CSMD3: variants seen among roughly 807,000 people sequenced by gnomAD.
CSMD3 encodes the protein CUB and Sushi multiple domains 3.
Under a neutral mutation model 435.2 loss-of-function variants are expected in CSMD3, and 177 were observed. The ratio of observed to expected loss-of-function variants is 0.41; its 90% CI spans 0.36 to 0.46. CSMD3 has a LOEUF of 0.46. Among genes scored for constraint, CSMD3 ranks in the 20% least tolerant of loss-of-function variants. The probability of loss-of-function intolerance (pLI) is 0.34; values close to 1 mark genes in which losing one functional copy is unlikely to be tolerated. For synonymous variants in CSMD3, 1,656 were observed against 1,520.5 expected (o/e 1.09, Z -2.07); for missense variants, 4,265 against 4,504.6 (o/e 0.95, Z 1.52).
At chr8:112,607,115 G>A (rs13274521) in intron 22 of CSMD3, among the ~76,000 whole-genome samples, 87,166 of 150,884 alleles carry the variant, frequency 0.58, 25,701 homozygotes, top group African/African-American at 0.69. Flanking sequence ...GAAAAAATAA[G>A]CCAAATTTGT....
chr8:112,781,080 T>TAA (rs35751667), intron 13 of CSMD3, among the ~76,000 whole-genome samples: 128,115 of 151,674 alleles, frequency 0.84, 54,366 homozygotes, highest in East Asian at 0.92. Flanking sequence ...GAGGATAGAG[T>TAA]AGAGGATTTG....
At chr8:113,415,479 T>C (rs1261782307) in intron 1 of CSMD3, among the ~76,000 whole-genome samples, 1 of 152,162 alleles carries the variant, frequency 6.6e-6, no homozygotes, top group Non-Finnish European at 1.5e-5. Context: ...CCCTAAAAGG[T>C]AAAATCTTCC....
intron 59 of CSMD3, among the ~76,000 whole-genome samples, chr8:112,271,878 A>G (rs1817558975): frequency 6.6e-6 from 1 of 152,178 alleles, no homozygotes; most frequent in Non-Finnish European, 1.5e-5. Context: ...TGCTAATTTA[A>G]TCCCCAATTC....
At chr8:113,318,412 A>C (rs897940981) in intron 1 of CSMD3, among the ~76,000 whole-genome samples, 1 of 152,174 alleles carries the variant, frequency 6.6e-6, no homozygotes, top group African/African-American at 2.4e-5. Flanking sequence ...ATCATCTCAC[A>C]TAGTTACTTT....
In CSMD3 at chr8:112,721,212, T is replaced by C. The variant is rs147353111; in HGVS notation, c.1973-31162A>G. Among the ~76,000 whole-genome samples, 590 of 152,256 alleles carry C rather than the reference T, an allele frequency of 3.9e-3. 9 individuals carry two copies. The highest frequency in any genetic ancestry group is 0.013 in the African/African-American group (560 of 41,554). On this transcript the variant is annotated intron_variant, in intron 13 of 70. Coordinates refer to ENST00000297405, the MANE Select transcript of CSMD3 (RefSeq NM_198123.2). Reference sequence around the variant, plus strand: ...GCTGACAGCTTTGATATGTGAACAATTGGAAAAATCACCATGAAAAACTGA... The same window carrying C: ...GCTGACAGCTTTGATATGTGAACAACTGGAAAAATCACCATGAAAAACTGA...
intron 41 of CSMD3, among the ~76,000 whole-genome samples, chr8:112,342,558 C>T (rs1314079490): frequency 6.6e-6 from 1 of 151,974 alleles, no homozygotes; most frequent in Non-Finnish European, 1.5e-5. Flanking sequence ...TTAATTCTCA[C>T]CATTTCATGA....
chr8:112,340,895 C>G (rs990867065), intron 42 of CSMD3, among the ~76,000 whole-genome samples: 3 of 152,034 alleles, frequency 2.0e-5, no homozygotes, highest in South Asian at 2.1e-4. Context: ...TAGGAAGAAT[C>G]AACATTTGAG....
intron 7 of CSMD3, among the ~76,000 whole-genome samples, chr8:112,968,885 ATGCT>A (rs1448396923): frequency 6.6e-6 from 1 of 152,026 alleles, no homozygotes; most frequent in East Asian, 1.9e-4. Context: ...CATTGTGATG[ATGCT>A]TATTAAGATT....
intron 32 of CSMD3, among the ~76,000 whole-genome samples, chr8:112,421,268 C>T (rs559202891): frequency 1.3e-4 from 20 of 151,850 alleles, no homozygotes; most frequent in South Asian, 4.2e-4. Context: ...CTAGGCTGGG[C>T]GCAGTGATTC....
intron 10 of CSMD3, among the ~76,000 whole-genome samples, chr8:112,887,890 C>T (rs1385168374): frequency 1.3e-5 from 2 of 151,704 alleles, no homozygotes; most frequent in East Asian, 2.0e-4. Flanking sequence ...TAATTAAATC[C>T]TATTAGTCAG....
chr8:112,507,431 T>C (rs963523601), intron 28 of CSMD3, among the ~76,000 whole-genome samples: 1 of 152,052 alleles, frequency 6.6e-6, no homozygotes, highest in Non-Finnish European at 1.5e-5. Context: ...TACACAGAAA[T>C]TGACATCTTC....
At chr8:112,396,315 A>G (rs553937956) in intron 35 of CSMD3, among the ~76,000 whole-genome samples, 87 of 152,292 alleles carry the variant, frequency 5.7e-4, no homozygotes, top group African/African-American at 2.0e-3. Context: ...ACAGAAAAAC[A>G]ATCATCATGT....
chr8:112,442,340 C>A (rs1040902896), intron 32 of CSMD3, among the ~76,000 whole-genome samples: 4 of 152,088 alleles, frequency 2.6e-5, no homozygotes, highest in African/African-American at 9.7e-5. Flanking sequence ...GACAAATATC[C>A]AAACTATATC....
At chr8:112,229,260 A>G (rs1269713350) in intron 69 of CSMD3, among the ~76,000 whole-genome samples, 1 of 152,204 alleles carries the variant, frequency 6.6e-6, no homozygotes, top group Non-Finnish European at 1.5e-5. Flanking sequence ...CTTGGCTTGA[A>G]AAATCATCAT....
At chr8:112,613,313 C>A (rs4579554) in intron 22 of CSMD3, among the ~76,000 whole-genome samples, 1 of 151,874 alleles carries the variant, frequency 6.6e-6, no homozygotes, top group Non-Finnish European at 1.5e-5. Flanking sequence ...CTTGCTTAAA[C>A]TTCTTTGGAG....
rs773445184 is a variant in CSMD3, at chr8:112,314,059, G to T, written c.7550-7C>A. 6.2e-7 allele frequency: 1 copy of T among 1,600,442 alleles called. No homozygotes were observed. The highest frequency in any genetic ancestry group is 8.6e-7 in the Non-Finnish European group (1 of 1,168,650). ...GGACTTTGAATATTTGGTCCTTTGG[G>T]AAGAAAATAAAACAATTTAGATAAA... On this transcript the variant is annotated splice_polypyrimidine_tract_variant and splice_region_variant and intron_variant, in intron 48 of 70. Coordinates refer to ENST00000297405, the MANE Select transcript of CSMD3 (RefSeq NM_198123.2).
intron 13 of CSMD3, among the ~76,000 whole-genome samples, chr8:112,714,281 C>T (rs957288539): frequency 1.3e-5 from 2 of 151,490 alleles, no homozygotes; most frequent in Non-Finnish European, 2.9e-5. Flanking sequence ...CAATGTTACT[C>T]TCTGACAAAA....
intron 15 of CSMD3, among the ~76,000 whole-genome samples, chr8:112,684,561 G>C (rs1247998649): frequency 6.6e-6 from 1 of 152,004 alleles, no homozygotes; most frequent in Non-Finnish European, 1.5e-5. Flanking sequence ...AAAATTACTA[G>C]TATTCTATGG....
At chr8:112,419,534 G>A (rs972767922) in intron 32 of CSMD3, among the ~76,000 whole-genome samples, 2 of 152,106 alleles carry the variant, frequency 1.3e-5, no homozygotes, top group African/African-American at 2.4e-5. Flanking sequence ...AAATGGGGTC[G>A]TAATTTATCT....
Sources: gnomAD v4.1 joint callset for allele counts (sites outside exome capture counted in the v4.1 genomes callset) on GRCh38, gnomAD v4.1.1 for gene constraint, MANE v1.5 for transcripts, NCBI Gene and HGNC (gene_info 2026-07-23, HGNC 2026-07-21) for gene names.